Variants in CSMD3 observed in about 807,000 individuals in gnomAD.
CSMD3 encodes CUB and sushi domain-containing protein 3.
Under a neutral mutation model 435.2 loss-of-function variants are expected in CSMD3, and 177 were observed. The ratio of observed to expected loss-of-function variants is 0.41; its 90% CI spans 0.36 to 0.46. The LOEUF (loss-of-function observed/expected upper bound fraction) is 0.46, where lower values mean the gene tolerates loss of function less well. CSMD3 is among the 20% of genes least tolerant of loss of function. The pLI is 0.34. For synonymous variants in CSMD3, 1,656 were observed against 1,520.5 expected, an observed-to-expected ratio of 1.09 and a Z score of -2.07; for missense variants, 4,265 against 4,504.6, an observed-to-expected ratio of 0.95 and a Z score of 1.52.
intron 13 of CSMD3, among the ~76,000 whole-genome samples, chr8:112,713,314 G>A (rs983812365): frequency 1.3e-5 from 2 of 151,760 alleles, no homozygotes; most frequent in Non-Finnish European, 2.9e-5. Flanking sequence ...ATATTAGAGC[G>A]TGAAGACCAT....
At chr8:112,409,173 A>T in intron 32 of CSMD3, 141 bp from the exon 33 acceptor site, 1 of 1,450,702 alleles carries the variant, frequency 6.9e-7, no homozygotes, top group Non-Finnish European at 9.3e-7. Context: ...CTAAAAGAGG[A>T]TAGGTGCCAA....
At chr8:112,855,903 T>A (rs560418400) in intron 11 of CSMD3, among the ~76,000 whole-genome samples, 15 of 148,670 alleles carry the variant, frequency 1.0e-4, no homozygotes, top group African/African-American at 3.7e-4. Context: ...TTATTTACAC[T>A]CAAGCAATGT....
chr8:112,854,231 CAT>C (rs199650763), intron 11 of CSMD3, among the ~76,000 whole-genome samples: 5,182 of 152,236 alleles, frequency 0.034, 146 homozygotes, highest in Middle Eastern at 0.051. Context: ...TGTAGTCATT[CAT>C]ATCAAGAGTG....
chr8:112,993,686 A>T (rs2085537843), intron 6 of CSMD3, among the ~76,000 whole-genome samples: 1 of 151,830 alleles, frequency 6.6e-6, no homozygotes, highest in Non-Finnish European at 1.5e-5. Context: ...TAAATTGAGG[A>T]CAATTTTAAA....
chr8:112,517,686 A>G (rs1405782723), intron 27 of CSMD3, among the ~76,000 whole-genome samples: 1 of 152,212 alleles, frequency 6.6e-6, no homozygotes, highest in Admixed American at 6.6e-5. Context: ...TAATAGAGAA[A>G]TGCAAATTAA....
At position 112,638,910 on chromosome 8, in the gene CSMD3, A is replaced by G; in HGVS notation, c.3312T>C (p.Gly1104=). 1 of 1,599,280 alleles carries G rather than the reference A, an allele frequency of 6.3e-7. No individual in the cohort carries two copies. The highest frequency in any genetic ancestry group is 2.2e-5 in the East Asian group (1 of 44,762). Residue 1104 remains glycine (G), a splice_region_variant and synonymous_variant, in exon 21 of 71, where the codon GGT becomes GGC. Transcript: ENST00000297405. ...TWTVDVTHGK[G]VQFNFHTFHL... ...GAAAAGTGTGGAAGTTGAACTGCAC[A>G]CCTATTAAGAAAAATAGAAACACTG...
chr8:113,203,060 G>A (rs538659846), intron 3 of CSMD3, among the ~76,000 whole-genome samples: 3 of 151,954 alleles, frequency 2.0e-5, no homozygotes, highest in Non-Finnish European at 4.4e-5. Context: ...CTGTACTACT[G>A]TAAGATGACT....
chr8:113,370,215 T>TA (rs1178918156), intron 1 of CSMD3, among the ~76,000 whole-genome samples: 2 of 151,214 alleles, frequency 1.3e-5, no homozygotes, highest in Admixed American at 6.6e-5. Context: ...TAAATAAATT[T>TA]AAAAAAACAC....
At chr8:112,302,086 C>T (rs79158577) in intron 52 of CSMD3, 120 bp from the exon 53 acceptor site, 1 of 730,572 alleles carries the variant, frequency 1.4e-6, no homozygotes. Flanking sequence ...AGGAAATTGG[C>T]ATTTGTAAAA....
intron 32 of CSMD3, among the ~76,000 whole-genome samples, chr8:112,409,242 A>C (rs1254477578): frequency 6.6e-6 from 1 of 152,110 alleles, no homozygotes; most frequent in Non-Finnish European, 1.5e-5. Context: ...CATGACCTAA[A>C]GCAATAAAAT....
intron 13 of CSMD3, among the ~76,000 whole-genome samples, chr8:112,740,036 G>T (rs1458914910): frequency 6.6e-6 from 1 of 151,700 alleles, no homozygotes; most frequent in Non-Finnish European, 1.5e-5. Context: ...TGGGCACAGA[G>T]AATTCCTTGG....
chr8:113,155,740 C>T (rs1017066542), intron 4 of CSMD3, among the ~76,000 whole-genome samples: 1 of 151,988 alleles, frequency 6.6e-6, no homozygotes, highest in Non-Finnish European at 1.5e-5. Context: ...TAACTAAGAT[C>T]ATGTTGGTTC....
At position 113,085,278 on chromosome 8, in the gene CSMD3, G is replaced by C. The variant is rs545526076; in HGVS notation, c.917+13478C>G. Among the ~76,000 whole-genome samples, 139 of 151,704 alleles carry C rather than the reference G, an allele frequency of 9.2e-4. 1 individual carries two copies. The highest frequency in any genetic ancestry group is 3.7e-4 in the Non-Finnish European group (25 of 67,914). ...CCCACAAATAATTCAGTTAAAAGGG[G>C]GGCAAAGATCTAAATAGGTGCTTGA... On this transcript the variant is annotated intron_variant, in intron 5 of 70. Transcript: ENST00000297405.
chr8:112,611,088 A>C (rs777821760), intron 22 of CSMD3, among the ~76,000 whole-genome samples: 42 of 152,330 alleles, frequency 2.8e-4, no homozygotes, highest in Non-Finnish European at 5.1e-4. Flanking sequence ...TTATATGAAG[A>C]GGAAACAAAA....
At chr8:112,892,495 A>G (rs190860855) in intron 10 of CSMD3, among the ~76,000 whole-genome samples, 100 of 151,702 alleles carry the variant, frequency 6.6e-4, no homozygotes, top group Non-Finnish European at 1.3e-3. Flanking sequence ...ACATATATGA[A>G]GTTTTACTGC....
intron 32 of CSMD3, among the ~76,000 whole-genome samples, chr8:112,427,865 T>C (rs1402548668): frequency 6.6e-6 from 1 of 152,188 alleles, no homozygotes; most frequent in Non-Finnish European, 1.5e-5. Flanking sequence ...ACACCATCTC[T>C]AGCCTCGTAA....
chr8:112,411,783 C>T (rs1281861903), intron 32 of CSMD3, among the ~76,000 whole-genome samples: 1 of 152,068 alleles, frequency 6.6e-6, no homozygotes, highest in East Asian at 1.9e-4. Flanking sequence ...GTGCAAACAG[C>T]AGTAGGTCTT....
chr8:113,401,035 TATA>T (rs2094507684), intron 1 of CSMD3, among the ~76,000 whole-genome samples: 1 of 151,584 alleles, frequency 6.6e-6, no homozygotes, highest in South Asian at 2.1e-4. Flanking sequence ...ACAGTAGAAA[TATA>T]ATGTTACCCT....
chr8:113,035,392 T>C (rs540993648), intron 5 of CSMD3, among the ~76,000 whole-genome samples: 2 of 152,084 alleles, frequency 1.3e-5, no homozygotes, highest in East Asian at 3.9e-4. Flanking sequence ...CCATATACTG[T>C]ATACTGTATG....
Sources: gnomAD v4.1 joint callset for allele counts (sites outside exome capture counted in the v4.1 genomes callset) on GRCh38, gnomAD v4.1.1 for gene constraint, MANE v1.5 for transcripts, NCBI Gene and HGNC (gene_info 2026-07-23, HGNC 2026-07-21) for gene names.